The following DNAH11 variants were observed in gnomAD, a reference collection of about 807,000 sequenced individuals.
The protein encoded by DNAH11 is axonemal beta dynein heavy chain 11.
Under a neutral mutation model 526.0 loss-of-function variants are expected in DNAH11, and 442 were observed. That is an observed-to-expected ratio of 0.84 (90% CI 0.78 to 0.91). The LOEUF is 0.91. Ranked by LOEUF, DNAH11 falls within the 40% of genes least tolerant of loss-of-function variation. DNAH11 has a pLI of 0.00. For synonymous variants in DNAH11, 2,461 were observed against 1,935.9 expected, an observed-to-expected ratio of 1.27 and a Z score of -7.12; for missense variants, 6,989 against 5,448.7, an observed-to-expected ratio of 1.28 and a Z score of -8.90.
At chr7:21,545,932 C>T (rs1158497238) in intron 2 of DNAH11, among the ~76,000 whole-genome samples, 1 of 152,120 alleles carries the variant, frequency 6.6e-6, no homozygotes, top group African/African-American at 2.4e-5. Flanking sequence ...TAACACAATG[C>T]CCCAGGTCAC....
At chr7:21,869,384 C>G (rs1783412706) in intron 73 of DNAH11, among the ~76,000 whole-genome samples, 1 of 151,790 alleles carries the variant, frequency 6.6e-6, no homozygotes, top group African/African-American at 2.4e-5. Context: ...ATTGTTGTTG[C>G]AGAATTTTGC....
intron 44 of DNAH11, among the ~76,000 whole-genome samples, chr7:21,724,191 T>A (rs1349873604): frequency 1.3e-5 from 2 of 152,224 alleles, no homozygotes; most frequent in Non-Finnish European, 2.9e-5. Context: ...GAGAATGGTG[T>A]CACATAAGTA....
intron 35 of DNAH11, among the ~76,000 whole-genome samples, chr7:21,693,572 CAGTT>C (rs1219764129): frequency 6.0e-5 from 9 of 149,874 alleles, no homozygotes; most frequent in Middle Eastern, 3.4e-3. Context: ...TTGAATTAAT[CAGTT>C]AGGCCATTTG....
chr7:21,545,130 T>C lies in DNAH11; in HGVS notation c.476T>C (p.Val159Ala), dbSNP rs1161362240. The change falls in exon 2 of 82, where the codon GTA (valine) becomes GCA (alanine). Residue 159 changes from valine to alanine, a missense_variant. Transcript: ENST00000409508. ...TTACCTGCGTTGTCTCTTGGACATGTATCTGCTTTCCTTGATGAGGTACTG... is the reference window on the plus strand; with the variant it reads ...TTACCTGCGTTGTCTCTTGGACATGCATCTGCTTTCCTTGATGAGGTACTG... ...GELPALSLGH[V>A]SAFLDEILVP... The C allele has an allele frequency of 1.9e-6, 3 of 1,610,568 alleles. No homozygotes were observed. Among genetic ancestry groups the C allele is most frequent in the Non-Finnish European group, 2.5e-6 (3 of 1,178,188 alleles).
At chr7:21,764,622 A>G (rs754375756) in intron 54 of DNAH11, among the ~76,000 whole-genome samples, 3 of 152,182 alleles carry the variant, frequency 2.0e-5, no homozygotes, top group Admixed American at 2.0e-4. Context: ...GGTGTCTCTG[A>G]TGAACCCTCT....
At chr7:21,861,714 GA>G in intron 68 of DNAH11, 138 bp from the exon 69 acceptor site, 1 of 716,384 alleles carries the variant, frequency 1.4e-6, no homozygotes, top group Middle Eastern at 3.7e-4. Flanking sequence ...CCATGTGCCA[GA>G]AACTATAATC....
At chr7:21,843,683 A>G (rs1448081553) in intron 66 of DNAH11, among the ~76,000 whole-genome samples, 4 of 151,562 alleles carry the variant, frequency 2.6e-5, no homozygotes, top group Non-Finnish European at 4.4e-5. Context: ...GTTTCACCAT[A>G]TTTGCCAGGC....
At chr7:21,588,482 C>T (rs1189990604) in intron 10 of DNAH11, 30 bp from the exon 11 acceptor site, 2 of 1,611,312 alleles carry the variant, frequency 1.2e-6, no homozygotes, top group Non-Finnish European at 1.7e-6. Flanking sequence ...TGTTCCCTTT[C>T]TTCCTCTTCA....
At chr7:21,653,941 C>T (rs1482825810) in intron 28 of DNAH11, among the ~76,000 whole-genome samples, 1 of 152,158 alleles carries the variant, frequency 6.6e-6, no homozygotes, top group Non-Finnish European at 1.5e-5. Flanking sequence ...GCTATTGTTT[C>T]TAGAAGTTGC....
At position 21,787,481 on chromosome 7, in the gene DNAH11, C is replaced by A; in HGVS notation, c.9822C>A (p.His3274Gln). Residue 3274 changes from histidine to glutamine, a missense_variant, in exon 60 of 82, where the codon CAC becomes CAA. Coordinates refer to ENST00000409508, the MANE Select transcript of DNAH11 (RefSeq NM_001277115.2). ...PENCLKVVNE[H>Q]YLKDPEFNPN... ...ACTGTCTAAAAGTGGTGAATGAACACTATTTGAAAGACCCAGAGTTTAATC... is the reference window on the plus strand; with the variant it reads ...ACTGTCTAAAAGTGGTGAATGAACAATATTTGAAAGACCCAGAGTTTAATC... 1 of 1,613,784 alleles carries A rather than the reference C, an allele frequency of 6.2e-7. No individual in the cohort carries two copies. The highest frequency in any genetic ancestry group is 1.6e-4 in the Middle Eastern group (1 of 6,062).
chr7:21,853,297 C>G (rs1782713048), intron 67 of DNAH11, among the ~76,000 whole-genome samples: 1 of 152,142 alleles, frequency 6.6e-6, no homozygotes, highest in African/African-American at 2.4e-5. Context: ...TCTGGAATAT[C>G]CTTATTACTA....
intron 63 of DNAH11, among the ~76,000 whole-genome samples, chr7:21,811,340 A>C (rs955110966): frequency 6.6e-6 from 1 of 151,778 alleles, no homozygotes; most frequent in Non-Finnish European, 1.5e-5. Context: ...CCTGTAATCC[A>C]GGCTATTCAG....
chr7:21,857,545 A>G (rs1782899395), intron 68 of DNAH11, among the ~76,000 whole-genome samples: 1 of 148,104 alleles, frequency 6.8e-6, no homozygotes, highest in South Asian at 2.1e-4. Context: ...AAAAAAAAAA[A>G]CAGGGTTGGA....
chr7:21,613,672 T>C (rs527353622), intron 20 of DNAH11, among the ~76,000 whole-genome samples: 1 of 152,262 alleles, frequency 6.6e-6, no homozygotes, highest in East Asian at 1.9e-4. Context: ...GCTGAGTAGA[T>C]TTTAAGTGTT....
chr7:21,833,684 G>A (rs1313076304), intron 65 of DNAH11, among the ~76,000 whole-genome samples: 1 of 151,892 alleles, frequency 6.6e-6, no homozygotes, highest in Non-Finnish European at 1.5e-5. Context: ...AACAGAGCAA[G>A]ACTCCACCTC....
At chr7:21,600,589 A>T in intron 15 of DNAH11, 87 bp from the exon 16 acceptor site, 1 of 1,351,190 alleles carries the variant, frequency 7.4e-7, no homozygotes, top group Non-Finnish European at 9.7e-7. Flanking sequence ...CTCCCTTTGA[A>T]GAATTACCTT....
intron 28 of DNAH11, among the ~76,000 whole-genome samples, chr7:21,651,560 C>T (rs766642126): frequency 4.6e-5 from 7 of 152,102 alleles, no homozygotes; most frequent in African/African-American, 1.4e-4. Context: ...TGAGTCATGA[C>T]GGTAGATCAA....
chr7:21,810,182 G>A (rs1044587087), intron 63 of DNAH11, among the ~76,000 whole-genome samples: 12 of 152,180 alleles, frequency 7.9e-5, no homozygotes, highest in Admixed American at 2.6e-4. Flanking sequence ...CATAAGCAAA[G>A]TGAAGTAATA....
In DNAH11 at chr7:21,816,533, G is replaced by A. The variant is rs2214326; in HGVS notation, c.10399G>A (p.Ala3467Thr). Residue 3467 changes from alanine (A) to threonine (T), a missense_variant, in exon 64 of 82, where the codon GCC becomes ACC. Ala to Thr is a moderately conservative substitution (Grantham distance 58, BLOSUM62 0). Coordinates refer to ENST00000409508, the MANE Select transcript of DNAH11 (RefSeq NM_001277115.2). ...GTTGACGGATGATGCTACAATTGCC[G>A]CCTGGAATAACGAAGGACTGCCCAG... ...SMLTDDATIA[A>T]WNNEGLPSDR... 589,117 of 1,611,438 alleles carry A rather than the reference G, an allele frequency of 0.37. 114,914 individuals carry two copies. Among genetic ancestry groups the A allele is most frequent in the East Asian group, 0.82 (36,828 of 44,792 alleles).
Sources: gnomAD v4.1 joint callset for allele counts (sites outside exome capture counted in the v4.1 genomes callset) on GRCh38, gnomAD v4.1.1 for gene constraint, MANE v1.5 for transcripts, NCBI Gene and HGNC (gene_info 2026-07-23, HGNC 2026-07-21) for gene names.